The following SPATA6L variants were observed in gnomAD, a reference collection of about 807,000 sequenced individuals.
SPATA6L encodes spermatogenesis associated 6 like, also known as spermatogenesis associated 6-like protein.
A neutral mutation model predicts 49.2 loss-of-function variants in SPATA6L; 68 were observed. That is an observed-to-expected ratio of 1.38 (90% confidence interval 1.14 to 1.69). The LOEUF (loss-of-function observed/expected upper bound fraction) is 1.69. Ranked by LOEUF, SPATA6L falls within the 40% of genes most tolerant of loss-of-function variation. The probability of loss-of-function intolerance (pLI) is 0.00; values close to 1 mark genes in which losing one functional copy is unlikely to be tolerated. For missense variants in SPATA6L, 668 were observed against 464.3 expected (o/e 1.44, Z -4.03); for synonymous variants, 198 against 165.7 (o/e 1.19, Z -1.50).
rs767951151 is a variant in SPATA6L at position 4,662,600 on chromosome 9, G to A, written c.40-564C>T. 4 of 1,591,154 alleles carry A rather than the reference G, an allele frequency of 2.5e-6. No individual in the cohort carries two copies. Among genetic ancestry groups the A allele is most frequent in the Admixed American group, 1.7e-5 (1 of 59,256 alleles). On this transcript the variant is annotated intron_variant, in intron 1 of 11. Transcript: ENST00000682582. This position sits in a 1 kb window ranked among gnomAD's most constrained non-coding sequence, Gnocchi z 4.9. ...GCCGCGGCTCCTTCCCCCTGGCCGCGGCGGGCCCCTCGCAGTCGCCCGCGC... is the reference window on the plus strand; with the variant it reads ...GCCGCGGCTCCTTCCCCCTGGCCGCAGCGGGCCCCTCGCAGTCGCCCGCGC...
At chr9:4,605,537 T>G in intron 9 of SPATA6L, 97 bp from the exon 10 acceptor site, 2 of 804,840 alleles carry the variant, frequency 2.5e-6, no homozygotes, top group Non-Finnish European at 4.0e-6. Context: ...AACTTAATTA[T>G]AATAAAAAAC....
intron 9 of SPATA6L, among the ~76,000 whole-genome samples, chr9:4,612,578 T>G (rs1327608715): frequency 6.6e-6 from 1 of 152,196 alleles, no homozygotes; most frequent in Admixed American, 6.5e-5. Flanking sequence ...TATACGGACT[T>G]GCAGTTTCAT....
intron 6 of SPATA6L, among the ~76,000 whole-genome samples, chr9:4,623,417 G>A (rs945169332): frequency 1.3e-5 from 2 of 151,918 alleles, no homozygotes; most frequent in South Asian, 4.1e-4. Flanking sequence ...CTTGAACTAG[G>A]GACTCTTCCA....
At position 4,598,316 on chromosome 9, in the gene SPATA6L, T is replaced by A. The variant is rs1822481209; in HGVS notation, c.*2495A>T. ...TAAACTGAAGCAAGACAGATGGGAA[T>A]TCTTTTTATGATGTTTAATGACACA... On this transcript the variant is annotated 3_prime_UTR_variant, in exon 12 of 12. Coordinates refer to ENST00000682582, the MANE Select transcript of SPATA6L (RefSeq NM_001353486.2). Among the ~76,000 whole-genome samples the A allele has an allele frequency of 6.6e-6, 1 of 152,212 alleles. No individual in the cohort carries two copies. Among genetic ancestry groups the A allele is most frequent in the African/African-American group, 2.4e-5 (1 of 41,450 alleles).
Position 4,662,522 on chromosome 9 carries a change from G to A in SPATA6L, c.40-486C>T, listed in dbSNP as rs774851123. On this transcript the variant is annotated intron_variant, in intron 1 of 11. Coordinates refer to ENST00000682582, the MANE Select transcript of SPATA6L (RefSeq NM_001353486.2). This position sits in a 1 kb window ranked among gnomAD's most constrained non-coding sequence, Gnocchi z 4.9. ...AGTCCCTGCTCAGCAGCCGCGCCAC[G>A]GCCGTGGACCCCACCTGCGCCCGGC... 9.0e-6 allele frequency: 14 copies of A among 1,558,356 alleles called. No homozygotes were observed. Among genetic ancestry groups the A allele is most frequent in the Non-Finnish European group, 1.2e-5 (14 of 1,162,148 alleles).
chr9:4,606,283 G>T (rs1824980447), intron 9 of SPATA6L, among the ~76,000 whole-genome samples: 1 of 144,106 alleles, frequency 6.9e-6, no homozygotes, highest in Non-Finnish European at 1.5e-5. Context: ...GCTCCAACTG[G>T]GTGGAGCCCA....
rs116646960 is a variant in SPATA6L, at chr9:4,655,990, A to C, written c.226+51T>G. On this transcript the variant is annotated intron_variant, in intron 3 of 11. Transcript: ENST00000682582. ...AAAGAGCAGAGTTTTGAATCTGTGAATTACACACAATAGTCTTTTGGTTTT... is the reference window on the plus strand; with the variant it reads ...AAAGAGCAGAGTTTTGAATCTGTGACTTACACACAATAGTCTTTTGGTTTT... 1.3e-3 allele frequency: 1,884 copies of C among 1,398,590 alleles called. 28 individuals are homozygous for C. In the African/African-American group the frequency reaches 0.024, roughly 17 times the overall value. 86.6% of individuals were successfully genotyped at this position (1,398,590 alleles called of 1,614,324 possible).
intron 3 of SPATA6L, among the ~76,000 whole-genome samples, chr9:4,640,548 A>G (rs1833804696): frequency 6.6e-6 from 1 of 152,152 alleles, no homozygotes; most frequent in Non-Finnish European, 1.5e-5. Flanking sequence ...CCCACAGTGC[A>G]GTCCACAGGA....
chr9:4,660,331 A>G (rs960838481), intron 2 of SPATA6L, among the ~76,000 whole-genome samples: 1 of 152,264 alleles, frequency 6.6e-6, no homozygotes, highest in Non-Finnish European at 1.5e-5. Context: ...AAACAAATTT[A>G]CAAGAAAAAA....
chr9:4,627,722 A>C, intron 5 of SPATA6L: 1 of 1,288,770 alleles, frequency 7.8e-7, no homozygotes, highest in Non-Finnish European at 1.0e-6. Context: ...GAGGTAGTAC[A>C]CATGGATGCC....
intron 3 of SPATA6L, among the ~76,000 whole-genome samples, chr9:4,654,262 T>A (rs1015111286): frequency 2.0e-5 from 3 of 152,218 alleles, no homozygotes; most frequent in Admixed American, 2.0e-4. Context: ...AGGTTAAACA[T>A]ACAGTTACCA....
At chr9:4,604,969 A>G (rs1341162685) in intron 10 of SPATA6L, among the ~76,000 whole-genome samples, 1 of 152,214 alleles carries the variant, frequency 6.6e-6, no homozygotes, top group East Asian at 1.9e-4. Context: ...AGCTCACACA[A>G]ACAACTGTAT....
intron 9 of SPATA6L, among the ~76,000 whole-genome samples, chr9:4,607,668 C>G (rs1437873965): frequency 3.3e-5 from 5 of 151,940 alleles, no homozygotes; most frequent in Admixed American, 6.6e-5. Flanking sequence ...AAGGAACAAC[C>G]GGTACCAGCC....
At chr9:4,620,347 C>A (rs904388034) in intron 7 of SPATA6L, among the ~76,000 whole-genome samples, 2 of 152,212 alleles carry the variant, frequency 1.3e-5, no homozygotes, top group African/African-American at 2.4e-5. Flanking sequence ...CGGTTTTGAG[C>A]CCTACCTTTC....
At chr9:4,634,250 G>A (rs1438940626) in intron 4 of SPATA6L, among the ~76,000 whole-genome samples, 5 of 152,126 alleles carry the variant, frequency 3.3e-5, no homozygotes, top group Non-Finnish European at 7.4e-5. Flanking sequence ...CTTCTGAAGA[G>A]CAATATCCCA....
Position 4,662,009 on chromosome 9 carries a change from C to T in SPATA6L, c.67G>A (p.Gly23Ser), listed in dbSNP as rs746519951. 6 of 1,614,046 alleles carry T rather than the reference C, an allele frequency of 3.7e-6. No homozygotes were observed. Among genetic ancestry groups the T allele is most frequent in the Non-Finnish European group, 5.1e-6 (6 of 1,179,978 alleles). The change falls in exon 2 of 12, where the codon GGC becomes AGC. Residue 23 changes from glycine (G) to serine (S), a missense_variant. Transcript: ENST00000682582. The surrounding 1 kb of genome is among the most constrained non-coding windows in gnomAD (Gnocchi z 4.9). ...ACCCCGAGGTACACATCTTGTTTGC[C>T]AGGCAGGAACACTCCTGGGCAAGAA... is the stretch of plus-strand genomic sequence containing the variant. ...AISCPGVFLP[G>S]KQDVYLGVYL... is the part of the protein sequence containing the mutation.
chr9:4,632,357 A>C (rs1005310847), intron 4 of SPATA6L, among the ~76,000 whole-genome samples: 3 of 151,904 alleles, frequency 2.0e-5, no homozygotes, highest in African/African-American at 7.3e-5. Context: ...GCACTTTGGG[A>C]GGCCGAGGCA....
chr9:4,618,881 G>T lies in SPATA6L; in HGVS notation c.790C>A (p.Leu264Ile). Residue 264 changes from leucine to isoleucine, a missense_variant, in exon 8 of 12, where the codon CTT becomes ATT. Physicochemically the swap from Leu to Ile is conservative, Grantham distance 5. Transcript: ENST00000682582. Reference protein sequence around the residue: ...PTRRASSLDSLAANVKVIKEP... With the variant: ...PTRRASSLDSIAANVKVIKEP... ...AAAATTACCTTTACGTTAGCTGCAAGGCTGTCAAGAGAAGAAGCTAGAAGA... is the reference window on the plus strand; with the variant it reads ...AAAATTACCTTTACGTTAGCTGCAATGCTGTCAAGAGAAGAAGCTAGAAGA... The T allele has an allele frequency of 6.2e-7, 1 of 1,613,176 alleles. No individual in the cohort carries two copies. Among genetic ancestry groups the T allele is most frequent in the South Asian group, 1.1e-5 (1 of 91,002 alleles).
intron 9 of SPATA6L, among the ~76,000 whole-genome samples, chr9:4,609,586 A>T (rs1161294206): frequency 6.6e-6 from 1 of 151,816 alleles, no homozygotes; most frequent in African/African-American, 2.4e-5. Flanking sequence ...CCTTTGACAA[A>T]ATTCAACAAC....
Sources: gnomAD v4.1 joint callset for allele counts (sites outside exome capture counted in the v4.1 genomes callset) on GRCh38, gnomAD v4.1.1 for gene constraint, Gnocchi (gnomAD v3.1) non-coding constraint, MANE v1.5 for transcripts, NCBI Gene and HGNC (gene_info 2026-07-23, HGNC 2026-07-21) for gene names.